PALLD: variants seen among roughly 807,000 people sequenced by gnomAD.
PALLD encodes the protein palladin, cytoskeletal associated protein.
PALLD carries 61 observed loss-of-function variants against 123.5 expected under a neutral mutation model. The ratio of observed to expected loss-of-function variants is 0.49; its 90% CI spans 0.40 to 0.61. The LOEUF is 0.61. Among genes scored for constraint, PALLD ranks in the 20% least tolerant of loss-of-function variants. The pLI, the probability that PALLD is intolerant of heterozygous loss-of-function variation, is 0.00. For missense variants in PALLD, 1,273 were observed against 1,377.0 expected, an observed-to-expected ratio of 0.92 and a Z score of 1.20; for synonymous variants, 465 against 496.4, an observed-to-expected ratio of 0.94 and a Z score of 0.84.
chr4:168,542,970 C>T (rs571180807), intron 2 of PALLD, among the ~76,000 whole-genome samples: 6 of 151,842 alleles, frequency 4.0e-5, no homozygotes, highest in East Asian at 3.9e-4. Flanking sequence ...CTTCCATTTC[C>T]GTATGACCTA....
intron 10 of PALLD, among the ~76,000 whole-genome samples, chr4:168,862,034 G>A (rs1348930838): frequency 1.3e-5 from 2 of 152,048 alleles, no homozygotes; most frequent in East Asian, 3.9e-4. Flanking sequence ...AGGGTTTGGA[G>A]GGGTTTTTTG....
chr4:168,547,225 C>A (rs1287885133), intron 2 of PALLD, among the ~76,000 whole-genome samples: 2 of 152,152 alleles, frequency 1.3e-5, no homozygotes, highest in African/African-American at 4.8e-5. Flanking sequence ...GTGGCAAGCA[C>A]CCGGCCAGTG....
chr4:168,671,362 C>T (rs1031975665), intron 3 of PALLD, among the ~76,000 whole-genome samples: 21 of 152,290 alleles, frequency 1.4e-4, no homozygotes, highest in Admixed American at 1.4e-3. Context: ...CTATATGGTA[C>T]GTATCTTTCA....
At chr4:168,739,636 C>T (rs1478024735) in intron 10 of PALLD, among the ~76,000 whole-genome samples, 8 of 152,180 alleles carry the variant, frequency 5.3e-5, no homozygotes, top group East Asian at 3.8e-4. Context: ...AGACTTGATC[C>T]TTACACATTC....
Position 168,926,304 on chromosome 4 carries a change from C to T in PALLD, c.*124C>T, listed in dbSNP as rs369747738. ...CAGCACTTTCGGACCAGGGACTAGACATCAAAGCAGCGTTCCAACCTGAGG... is the reference window on the plus strand; with the variant it reads ...CAGCACTTTCGGACCAGGGACTAGATATCAAAGCAGCGTTCCAACCTGAGG... On this transcript the variant is annotated 3_prime_UTR_variant, in exon 22 of 22. Transcript: ENST00000505667. 6.4e-5 allele frequency: 99 copies of T among 1,537,148 alleles called. No homozygotes were observed. The highest frequency in any genetic ancestry group is 7.5e-5 in the Non-Finnish European group (86 of 1,146,846).
intron 10 of PALLD, among the ~76,000 whole-genome samples, chr4:168,781,252 G>A (rs908534163): frequency 2.6e-5 from 4 of 152,214 alleles, no homozygotes; most frequent in Non-Finnish European, 5.9e-5. Flanking sequence ...CACCAGGTTT[G>A]TGACTGTTGA....
At chr4:168,925,881 A>G (rs1431015881) in intron 21 of PALLD, among the ~76,000 whole-genome samples, 1 of 152,138 alleles carries the variant, frequency 6.6e-6, no homozygotes, top group Non-Finnish European at 1.5e-5. Context: ...TTTAGAGAAA[A>G]TATTTTTTAA....
chr4:168,509,077 C>T (rs1762289049), intron 1 of PALLD, among the ~76,000 whole-genome samples: 1 of 152,142 alleles, frequency 6.6e-6, no homozygotes, highest in Non-Finnish European at 1.5e-5. Flanking sequence ...CATCTAATTC[C>T]ACAGGGGTCT....
intron 10 of PALLD, among the ~76,000 whole-genome samples, chr4:168,797,900 A>G (rs960705039): frequency 6.7e-6 from 1 of 150,236 alleles, no homozygotes; most frequent in Non-Finnish European, 1.5e-5. Context: ...TTAATGTCAT[A>G]TTCAGCAAAT....
At chr4:168,640,819 C>G (rs184780993) in intron 2 of PALLD, among the ~76,000 whole-genome samples, 33 of 152,316 alleles carry the variant, frequency 2.2e-4, no homozygotes, top group Non-Finnish European at 8.8e-5. Context: ...TGTTTCCTGT[C>G]TTTAAATTCC....
chr4:168,879,272 G>A (rs972010946), intron 10 of PALLD, among the ~76,000 whole-genome samples: 1 of 152,122 alleles, frequency 6.6e-6, no homozygotes, highest in East Asian at 1.9e-4. Flanking sequence ...ACCTACAGAA[G>A]TACAGTAAAA....
intron 1 of PALLD, among the ~76,000 whole-genome samples, chr4:168,508,155 A>G (rs1762186988): frequency 6.6e-6 from 1 of 152,192 alleles, no homozygotes; most frequent in African/African-American, 2.4e-5. Context: ...AATGTTCCCA[A>G]CACAAAGAAA....
chr4:168,670,776 A>AAAAAAAACAAAAAC (rs1780173104), intron 3 of PALLD, among the ~76,000 whole-genome samples: 3 of 49,100 alleles, frequency 6.1e-5, no homozygotes, highest in Non-Finnish European at 1.1e-4. Flanking sequence ...AAAAAAAAAC[A>AAAAAAAACAAAAAC]AAAAAAAAAA....
chr4:168,856,770 C>T (rs1000872196), intron 10 of PALLD, among the ~76,000 whole-genome samples: 1 of 152,190 alleles, frequency 6.6e-6, no homozygotes, highest in Admixed American at 6.5e-5. Flanking sequence ...AACTCCAGAG[C>T]CTACATGGCT....
At chr4:168,501,700 C>T (rs1012904056) in intron 1 of PALLD, among the ~76,000 whole-genome samples, 1 of 152,142 alleles carries the variant, frequency 6.6e-6, no homozygotes, top group Non-Finnish European at 1.5e-5. Flanking sequence ...CATGAGGTGA[C>T]ATGGCAGCTG....
intron 10 of PALLD, among the ~76,000 whole-genome samples, chr4:168,807,015 C>G (rs776587894): frequency 9.2e-5 from 14 of 152,168 alleles, no homozygotes; most frequent in African/African-American, 3.4e-4. Context: ...TGCTGGCACC[C>G]GAGATGCGGA....
intron 3 of PALLD, among the ~76,000 whole-genome samples, chr4:168,675,769 G>A (rs1780770500): frequency 6.6e-6 from 1 of 152,110 alleles, no homozygotes; most frequent in African/African-American, 2.4e-5. Flanking sequence ...TAAAAATCAT[G>A]TCTAGGCCAG....
At chr4:168,682,490 T>C (rs1054322325) in intron 4 of PALLD, among the ~76,000 whole-genome samples, 5 of 152,148 alleles carry the variant, frequency 3.3e-5, no homozygotes, top group Non-Finnish European at 5.9e-5. Context: ...CACTAACTTA[T>C]ATGCACTAAG....
At chr4:168,740,371 C>A (rs145639858) in intron 10 of PALLD, among the ~76,000 whole-genome samples, 1 of 152,166 alleles carries the variant, frequency 6.6e-6, no homozygotes, top group Non-Finnish European at 1.5e-5. Context: ...GAGACCTTTG[C>A]AGTTTTGAAT....
Sources: gnomAD v4.1 joint callset for allele counts (sites outside exome capture counted in the v4.1 genomes callset) on GRCh38, gnomAD v4.1.1 for gene constraint, MANE v1.5 for transcripts, NCBI Gene and HGNC (gene_info 2026-07-23, HGNC 2026-07-21) for gene names.